RMC1: variants seen among roughly 807,000 people sequenced by gnomAD.
RMC1 encodes the protein regulator of MON1-CCZ1, also known as regulator of MON1-CCZ1 complex.
RMC1 carries 44 observed loss-of-function variants against 95.5 expected under a neutral mutation model. The ratio of observed to expected loss-of-function variants is 0.46; its 90% CI spans 0.36 to 0.59. The LOEUF (loss-of-function observed/expected upper bound fraction) is 0.59, where lower values mean the gene tolerates loss of function less well. Among genes scored for constraint, RMC1 ranks in the 20% least tolerant of loss-of-function variants. RMC1 has a pLI of 0.00. For synonymous variants in RMC1, 320 were observed against 303.6 expected (o/e 1.05, Z -0.56); for missense variants, 705 against 819.6 (o/e 0.86, Z 1.71).
Position 23,503,566 on chromosome 18 carries a change from G to A in RMC1, c.-53G>A, listed in dbSNP as rs1303172649. Reference sequence around the variant, plus strand: ...CGGGCCGGGCTCCACCGCGCATCCTGCTCCACTCTGGCGACCGCCCCCGGG... The same window carrying A: ...CGGGCCGGGCTCCACCGCGCATCCTACTCCACTCTGGCGACCGCCCCCGGG... On this transcript the variant is annotated 5_prime_UTR_variant, in exon 1 of 20. Coordinates refer to ENST00000269221, the MANE Select transcript of RMC1 (RefSeq NM_013326.5). 27 of 1,391,328 alleles carry A rather than the reference G, an allele frequency of 1.9e-5. No individual in the cohort carries two copies. In the Admixed American group the frequency reaches 2.9e-4, roughly 15 times the overall value. The allele number at this position is 1,391,328 out of a possible 1,614,324, so 86.2% of individuals were successfully genotyped here. A position where few individuals can be genotyped will look rare whatever the true frequency, so the allele number is the denominator to read the frequency against.
rs767335862 is a variant in RMC1, at chr18:23,529,727, T to C, written c.1494+15T>C. ...TTGCAGTACAGGTACCTTCAAATCA[T>C]CTGGGCCCAAGTTAAAACAGAAGGA... On this transcript the variant is annotated intron_variant, in intron 16 of 19. Transcript: ENST00000269221. 6.2e-7 allele frequency: 1 copy of C among 1,603,260 alleles called. No individual in the cohort carries two copies. The highest frequency in any genetic ancestry group is 8.5e-7 in the Non-Finnish European group (1 of 1,170,796).
chr18:23,515,956 C>T lies in RMC1; in HGVS notation c.509C>T (p.Thr170Ile), dbSNP rs747682077. ...CPESAVILLS[T>I]TVLENVLQPF... Reference sequence around the variant, plus strand: ...GAGAGCGCCGTGATCTTGCTGTCTACCACGGTCCTGGAGAATGTCCTGCAG... The same window carrying T: ...GAGAGCGCCGTGATCTTGCTGTCTATCACGGTCCTGGAGAATGTCCTGCAG... Residue 170 changes from threonine (T) to isoleucine (I), a missense_variant, in exon 6 of 20, where the codon ACC becomes ATC. By Grantham distance (89) the Thr-to-Ile change is moderately conservative. Transcript: ENST00000269221. 52 of 1,614,122 alleles carry T rather than the reference C, an allele frequency of 3.2e-5. No individual in the cohort carries two copies. Among genetic ancestry groups the T allele is most frequent in the Non-Finnish European group, 4.4e-5 (52 of 1,180,022 alleles).
chr18:23,521,643 T>C (rs1194139076), intron 10 of RMC1, among the ~76,000 whole-genome samples: 2 of 151,790 alleles, frequency 1.3e-5, no homozygotes, highest in Non-Finnish European at 2.9e-5. Flanking sequence ...CTTTTTCCAG[T>C]GTAATTGATT....
At chr18:23,531,587 G>A in intron 19 of RMC1, 38 bp from the exon 20 acceptor site, 1 of 1,601,754 alleles carries the variant, frequency 6.2e-7, no homozygotes, top group Non-Finnish European at 8.5e-7. Context: ...CTCATTTCAT[G>A]CCACATCTAA....
At position 23,516,016 on chromosome 18, in the gene RMC1, G is replaced by GA. The variant is rs569738654; in HGVS notation, c.549+27dup. ...TTTAGGGTAAGAGGAAGCCTCCCCT[G>GA]AAAAAAACACCTTTCCCCAGTTGTC... On this transcript the variant is annotated intron_variant, in intron 6 of 19. Transcript: ENST00000269221. 1,561 of 1,612,994 alleles carry GA rather than the reference G, an allele frequency of 9.7e-4. 13 individuals carry two copies. In the Admixed American group the frequency reaches 0.02, roughly 21 times the overall value.
intron 10 of RMC1, among the ~76,000 whole-genome samples, chr18:23,523,915 C>A (rs756387332): frequency 6.6e-6 from 1 of 152,152 alleles, no homozygotes; most frequent in Non-Finnish European, 1.5e-5. Context: ...GACATGCTTT[C>A]TTTTTCTTGG....
At chr18:23,523,303 AG>A (rs2058193325) in intron 10 of RMC1, among the ~76,000 whole-genome samples, 1 of 152,152 alleles carries the variant, frequency 6.6e-6, no homozygotes, top group Non-Finnish European at 1.5e-5. Context: ...GCTCATGAGC[AG>A]TATAACTGGT....
At chr18:23,519,703 T>A (rs2058095652) in intron 9 of RMC1, among the ~76,000 whole-genome samples, 1 of 152,182 alleles carries the variant, frequency 6.6e-6, no homozygotes, top group African/African-American at 2.4e-5. Flanking sequence ...AGATTTGACC[T>A]TGGAAGAAGG....
intron 5 of RMC1, among the ~76,000 whole-genome samples, chr18:23,510,654 A>G (rs1456689252): frequency 6.6e-6 from 1 of 152,226 alleles, no homozygotes; most frequent in South Asian, 2.1e-4. Flanking sequence ...CTCAAAAAAA[A>G]AAAAGTGGGC....
intron 5 of RMC1, among the ~76,000 whole-genome samples, chr18:23,514,864 C>T (rs2057958687): frequency 6.6e-6 from 1 of 152,174 alleles, no homozygotes; most frequent in Admixed American, 6.5e-5. Context: ...CTGACTTGCG[C>T]AGCAGTTCTT....
At position 23,515,977 on chromosome 18, in the gene RMC1, T is replaced by C. The variant is rs1292691698; in HGVS notation, c.530T>C (p.Leu177Pro). 1 of 1,614,036 alleles carries C rather than the reference T, an allele frequency of 6.2e-7. No homozygotes were observed. The highest frequency in any genetic ancestry group is 8.5e-7 in the Non-Finnish European group (1 of 1,180,024). The change falls in exon 6 of 20, where the codon CTG (leucine) becomes CCG (proline). Residue 177 changes from leucine (L) to proline (P), a missense_variant. Leu to Pro is a moderately conservative substitution (Grantham distance 98). Transcript: ENST00000269221. ...LLSTTVLENV[L>P]QPFHFRAGTM... ...TCTACCACGGTCCTGGAGAATGTCC[T>C]GCAGCCTTTTCACTTTAGGGTAAGA...
At chr18:23,525,489 A>T (rs2058271531) in intron 12 of RMC1, among the ~76,000 whole-genome samples, 1 of 151,870 alleles carries the variant, frequency 6.6e-6, no homozygotes, top group Non-Finnish European at 1.5e-5. Flanking sequence ...CAGTGGTGCC[A>T]TCTCGGCTCA....
chr18:23,509,453 T>A (rs1202419223), intron 5 of RMC1, among the ~76,000 whole-genome samples, 174 bp downstream of exon 5: 1 of 151,570 alleles, frequency 6.6e-6, no homozygotes, highest in Non-Finnish European at 1.5e-5. Context: ...CACTGTAATC[T>A]CAAACTCCTG....
At chr18:23,526,550 C>T (rs2058302931) in intron 12 of RMC1, 87 bp from the exon 13 acceptor site, 39 of 1,501,558 alleles carry the variant, frequency 2.6e-5, no homozygotes, top group Middle Eastern at 3.7e-4. Flanking sequence ...ACCTGCCACC[C>T]GCCCCGCAGA....
At chr18:23,529,145 C>T in intron 14 of RMC1, 34 bp from the exon 15 acceptor site, 3 of 1,599,232 alleles carry the variant, frequency 1.9e-6, no homozygotes. Flanking sequence ...CTCTAAGATG[C>T]CGAAGATCAT....
chr18:23,530,159 A>G (rs759526431), intron 17 of RMC1, 27 bp downstream of exon 17: 1 of 1,613,782 alleles, frequency 6.2e-7, no homozygotes, highest in South Asian at 1.1e-5. Context: ...TTTTACTTCC[A>G]TTGTGGTTAA....
chr18:23,507,992 G>C lies in RMC1; in HGVS notation c.272G>C (p.Cys91Ser). ...GTGTGTTTTTCCTTTCAGGATTTTT[G>C]TAATTTTATCCCTGATAATTCCCAG... ...VQRTSKTVDF[C>S]NFIPDNSQLE... is the part of the protein sequence containing the mutation. Residue 91 changes from cysteine (C) to serine (S), a missense_variant, in exon 4 of 20, where the codon TGT (cysteine) becomes TCT (serine). By Grantham distance (112) the Cys-to-Ser change is moderately radical. Transcript: ENST00000269221. 6.2e-7 allele frequency: 1 copy of C among 1,610,414 alleles called. No homozygotes were observed. The highest frequency in any genetic ancestry group is 8.5e-7 in the Non-Finnish European group (1 of 1,178,586).
At chr18:23,508,947 C>T (rs1247178959) in intron 4 of RMC1, among the ~76,000 whole-genome samples, 1 of 152,166 alleles carries the variant, frequency 6.6e-6, no homozygotes, top group Non-Finnish European at 1.5e-5. Context: ...AGTTACTTTT[C>T]TACAAAACAC....
intron 3 of RMC1, 90 bp downstream of exon 3, chr18:23,507,144 CTT>C: frequency 1.2e-6 from 1 of 842,808 alleles, no homozygotes; most frequent in Non-Finnish European, 1.9e-6. Context: ...TTAAAGGAAA[CTT>C]TTATTATCTT....
Sources: allele counts gnomAD v4.1 joint callset (sites outside exome capture counted in the v4.1 genomes callset), GRCh38; gene constraint gnomAD v4.1.1; transcripts MANE v1.5; gene names NCBI Gene and HGNC (gene_info 2026-07-23, HGNC 2026-07-21).